CSMD2: variants seen among roughly 807,000 people sequenced by gnomAD.
CSMD2 encodes CUB and sushi domain-containing protein 2.
In CSMD2, 130 loss-of-function variants were observed where a neutral mutation model predicts 398.5. The ratio of observed to expected loss-of-function variants is 0.33; its 90% confidence interval spans 0.28 to 0.38. CSMD2 has a LOEUF of 0.38. CSMD2 is among the 10% of genes least tolerant of loss of function. The pLI, the probability that CSMD2 is intolerant of heterozygous loss-of-function variation, is 1.00. For synonymous variants in CSMD2, 1,828 were observed against 1,908.5 expected (o/e 0.96, Z 1.10); for missense variants, 3,829 against 4,764.9 (o/e 0.80, Z 5.78).
intron 10 of CSMD2, among the ~76,000 whole-genome samples, chr1:33,793,146 A>G (rs1445482094): frequency 6.6e-6 from 1 of 152,192 alleles, no homozygotes; most frequent in African/African-American, 2.4e-5. Context: ...GGGAGATAGA[A>G]ATGCAAACTG....
At chr1:33,684,037 C>T (rs1404963736) in intron 25 of CSMD2, among the ~76,000 whole-genome samples, 4 of 152,212 alleles carry the variant, frequency 2.6e-5, no homozygotes, top group Non-Finnish European at 5.9e-5. Context: ...CTCCTCTGGG[C>T]CAGCTGCCCA....
chr1:33,947,269 G>C (rs1328589979), intron 3 of CSMD2, among the ~76,000 whole-genome samples: 1 of 152,160 alleles, frequency 6.6e-6, no homozygotes, highest in Non-Finnish European at 1.5e-5. Context: ...ACCTCCCCCA[G>C]GGTGGGAGCC....
chr1:33,900,320 G>C (rs1252875354), intron 5 of CSMD2, among the ~76,000 whole-genome samples: 1 of 152,160 alleles, frequency 6.6e-6, no homozygotes, highest in Non-Finnish European at 1.5e-5. Flanking sequence ...GCCCTCCTTG[G>C]TGTCAGGAAA....
intron 11 of CSMD2, among the ~76,000 whole-genome samples, chr1:33,789,650 T>C (rs1180616412): frequency 6.6e-6 from 1 of 152,114 alleles, no homozygotes; most frequent in Non-Finnish European, 1.5e-5. Context: ...TCACCCAGGG[T>C]CTCAGAGCTT....
intron 3 of CSMD2, among the ~76,000 whole-genome samples, chr1:33,993,161 GA>G (rs748277126): frequency 7.2e-4 from 110 of 152,230 alleles, no homozygotes; most frequent in African/African-American, 1.5e-3. Context: ...TGAATGTATA[GA>G]AAAGAACCTG....
rs528313595 is a variant in CSMD2, at chr1:34,082,765, T to C, written c.404+6212A>G. On this transcript the variant is annotated intron_variant, in intron 2 of 70. Transcript: ENST00000373381. ...CTTGGGATGCTGTTAATCTATAACC[T>C]TACCCCCAACCCCGTGCTCTCTGAA... Among the ~76,000 whole-genome samples the C allele has an allele frequency of 6.2e-3, 948 of 152,270 alleles. 3 individuals are homozygous for C. Among genetic ancestry groups the C allele is most frequent in the Non-Finnish European group, 8.2e-3 (559 of 68,006 alleles).
At chr1:33,613,428 C>T (rs569510042) in intron 40 of CSMD2, among the ~76,000 whole-genome samples, 65 of 152,264 alleles carry the variant, frequency 4.3e-4, no homozygotes, top group African/African-American at 1.5e-3. Flanking sequence ...CTGCCGAGGG[C>T]GTCATCGCTT....
chr1:33,719,233 C>G (rs758882511), intron 19 of CSMD2, among the ~76,000 whole-genome samples: 42 of 152,180 alleles, frequency 2.8e-4, no homozygotes, highest in Non-Finnish European at 5.0e-4. Flanking sequence ...GTCTATACAG[C>G]TTAGGAAATA....
intron 22 of CSMD2, among the ~76,000 whole-genome samples, chr1:33,708,216 T>C (rs1645867590): frequency 6.6e-6 from 1 of 152,150 alleles, no homozygotes; most frequent in Non-Finnish European, 1.5e-5. Context: ...AGTCCTATCA[T>C]TTCCTTCCCT....
At chr1:33,800,337 C>T (rs1655444140) in intron 10 of CSMD2, among the ~76,000 whole-genome samples, 2 of 152,088 alleles carry the variant, frequency 1.3e-5, no homozygotes, top group Non-Finnish European at 2.9e-5. Context: ...CCTGAACTCC[C>T]AGGAGTTCAA....
At chr1:33,718,925 G>A (rs552474859) in intron 19 of CSMD2, among the ~76,000 whole-genome samples, 1 of 152,356 alleles carries the variant, frequency 6.6e-6, no homozygotes, top group Non-Finnish European at 1.5e-5. Flanking sequence ...GATGCAGCTT[G>A]TAAATACCCT....
intron 62 of CSMD2, among the ~76,000 whole-genome samples, chr1:33,536,385 G>A (rs1249309820): frequency 6.6e-6 from 1 of 152,094 alleles, no homozygotes; most frequent in Admixed American, 6.5e-5. Context: ...CACCATGCCC[G>A]GCTAATGTTT....
In CSMD2 at chr1:33,572,518, G is replaced by A; in HGVS notation, c.7750C>T (p.Pro2584Ser). Residue 2584 changes from proline (P) to serine (S), a missense_variant, in exon 50 of 71, where the codon CCA becomes TCA. By Grantham distance (74) the Pro-to-Ser change is moderately conservative. Coordinates refer to ENST00000373381, the MANE Select transcript of CSMD2 (RefSeq NM_001281956.2). ...CCCGAGGACTCACGGACACACTGTG[G>A]TGGGACATTGCGGTTGCTCCATAGG... ...TGLWSNRNVP[P>S]QCVPVTCPDV... 6.2e-7 allele frequency: 1 copy of A among 1,607,776 alleles called. No individual in the cohort carries two copies. Among genetic ancestry groups the A allele is most frequent in the Middle Eastern group, 1.9e-4 (1 of 5,358 alleles).
chr1:33,883,555 TTCCGGATCAAC>T (rs1641379993), intron 5 of CSMD2, among the ~76,000 whole-genome samples: 1 of 152,154 alleles, frequency 6.6e-6, no homozygotes, highest in Admixed American at 6.5e-5. Flanking sequence ...AAATGTAGAT[TTCCGGATCAAC>T]TCCTAATCAA....
chr1:33,687,283 A>G (rs1329061948), intron 25 of CSMD2, among the ~76,000 whole-genome samples: 1 of 152,238 alleles, frequency 6.6e-6, no homozygotes, highest in Non-Finnish European at 1.5e-5. Context: ...ACAAAACACA[A>G]ATAGTATTCT....
At chr1:33,879,256 A>G (rs1011345846) in intron 5 of CSMD2, among the ~76,000 whole-genome samples, 2 of 151,330 alleles carry the variant, frequency 1.3e-5, no homozygotes, top group African/African-American at 4.9e-5. Context: ...CCTCCCCACC[A>G]CCTCCCACTA....
intron 1 of CSMD2, among the ~76,000 whole-genome samples, chr1:34,105,817 T>G (rs1660474376): frequency 6.6e-6 from 1 of 152,252 alleles, no homozygotes; most frequent in Non-Finnish European, 1.5e-5. Context: ...TTGTAACAAC[T>G]GTAATGTTCT....
At chr1:34,105,521 CA>C (rs1411625775) in intron 1 of CSMD2, among the ~76,000 whole-genome samples, 2 of 152,070 alleles carry the variant, frequency 1.3e-5, no homozygotes, top group African/African-American at 4.8e-5. Flanking sequence ...ATTAGCAGGC[CA>C]AAAAAGCCTA....
intron 1 of CSMD2, among the ~76,000 whole-genome samples, chr1:34,129,928 C>T (rs1233582286): frequency 6.6e-6 from 1 of 152,140 alleles, no homozygotes; most frequent in Non-Finnish European, 1.5e-5. Context: ...TCAGCTCCCT[C>T]ATCTATAAGG....
Sources: gnomAD v4.1 joint callset for allele counts (sites outside exome capture counted in the v4.1 genomes callset) on GRCh38, gnomAD v4.1.1 for gene constraint, MANE v1.5 for transcripts, NCBI Gene and HGNC (gene_info 2026-07-23, HGNC 2026-07-21) for gene names.